WDFY3: variants seen among roughly 807,000 people sequenced by gnomAD.
WDFY3 encodes the protein WD repeat and FYVE domain-containing protein 3.
A neutral mutation model predicts 409.6 loss-of-function variants in WDFY3; 66 were observed. The ratio of observed to expected loss-of-function variants is 0.16; its 90% CI spans 0.13 to 0.20. The LOEUF (loss-of-function observed/expected upper bound fraction) is 0.20, where lower values mean the gene tolerates loss of function less well. Among genes scored for constraint, WDFY3 ranks in the 10% least tolerant of loss-of-function variants. The pLI is 1.00. For synonymous variants in WDFY3, 1,521 were observed against 1,537.1 expected (o/e 0.99, Z 0.25); for missense variants, 3,031 against 4,298.1 (o/e 0.71, Z 8.24).
chr4:84,714,458 T>C (rs1733496369), intron 50 of WDFY3, among the ~76,000 whole-genome samples: 1 of 152,046 alleles, frequency 6.6e-6, no homozygotes. Flanking sequence ...TTATTAAAGA[T>C]AAAAATATGC....
intron 24 of WDFY3, among the ~76,000 whole-genome samples, chr4:84,784,926 A>ACACC (rs1747288246): frequency 7.0e-6 from 1 of 143,440 alleles, no homozygotes; most frequent in African/African-American, 2.6e-5. Context: ...ACACATACAC[A>ACACC]CCTTGAATCT....
Position 84,765,070 on chromosome 4 carries a change from G to C in WDFY3, c.5188+740C>G, listed in dbSNP as rs145073661. 3.8e-3 allele frequency among the ~76,000 whole-genome samples: 572 copies of C among 152,136 alleles called. 6 individuals carry two copies. The highest frequency in any genetic ancestry group is 0.013 in the African/African-American group (556 of 41,508). ...TTAAGATCAGACACACAAACAATTAGATATGATTTACAAGGCAATGTTACA... is the reference window on the plus strand; with the variant it reads ...TTAAGATCAGACACACAAACAATTACATATGATTTACAAGGCAATGTTACA... On this transcript the variant is annotated intron_variant, in intron 32 of 67. Transcript: ENST00000295888.
chr4:84,743,969 T>C (rs1738890957), intron 36 of WDFY3, among the ~76,000 whole-genome samples, 170 bp from the exon 37 acceptor site: 1 of 151,382 alleles, frequency 6.6e-6, no homozygotes, highest in African/African-American at 2.4e-5. Context: ...CTTTCACGTA[T>C]TTTCTGACTA....
At chr4:84,717,359 A>G (rs2149056382) in intron 48 of WDFY3, among the ~76,000 whole-genome samples, 1 of 152,332 alleles carries the variant, frequency 6.6e-6, no homozygotes, top group East Asian at 1.9e-4. Context: ...TAGGTAGAAA[A>G]ACACATTTTA....
rs1758851377 is a variant in WDFY3, at chr4:84,850,926, CTGTTTTT to C, written c.181-908_181-902del. Reference sequence around the variant, plus strand: ...AATTCTTATTTTTAATTTTATTTATCTGTTTTTTTTTTTTTTTTTTTTTTTTTTTTTT... The same window carrying C: ...AATTCTTATTTTTAATTTTATTTATCTTTTTTTTTTTTTTTTTTTTTTTTT... On this transcript the variant is annotated intron_variant, in intron 4 of 67. Coordinates refer to ENST00000295888, the MANE Select transcript of WDFY3 (RefSeq NM_014991.6). 3.4e-3 allele frequency among the ~76,000 whole-genome samples: 108 copies of C among 32,158 alleles called. 7 individuals carry two copies. The highest frequency in any genetic ancestry group is 8.1e-3 in the Admixed American group (22 of 2,700). The allele number at this position is 32,158 out of a possible 152,430, so 21.1% of individuals were successfully genotyped here.
chr4:84,858,400 T>C (rs966947477), intron 4 of WDFY3, among the ~76,000 whole-genome samples: 1 of 152,040 alleles, frequency 6.6e-6, no homozygotes, highest in African/African-American at 2.4e-5. Flanking sequence ...TGATAGTCTA[T>C]CTACTGAACA....
At chr4:84,711,840 G>C (rs1732954153) in intron 51 of WDFY3, among the ~76,000 whole-genome samples, 1 of 149,860 alleles carries the variant, frequency 6.7e-6, no homozygotes. Flanking sequence ...AACAGAGCAA[G>C]ACTCCGTCTC....
At position 84,693,000 on chromosome 4, in the gene WDFY3, C is replaced by T; in HGVS notation, c.8934G>A (p.Val2978=). ...LFKKPHPPKR[V]RSRLNGDNAG... ...CATTGTCTCCATTGAGTCGACTTCT[C>T]ACTCGCTTTGGTGGATGAGGTTTTT... Residue 2978 remains valine (V), a synonymous_variant, in exon 59 of 68, where the codon GTG becomes GTA. Coordinates refer to ENST00000295888, the MANE Select transcript of WDFY3 (RefSeq NM_014991.6). 1 of 1,611,236 alleles carries T rather than the reference C, an allele frequency of 6.2e-7. No individual in the cohort carries two copies. The highest frequency in any genetic ancestry group is 8.5e-7 in the Non-Finnish European group (1 of 1,179,482).
intron 2 of WDFY3, among the ~76,000 whole-genome samples, chr4:84,930,020 A>G (rs1342469367): frequency 6.6e-6 from 1 of 152,016 alleles, no homozygotes; most frequent in Non-Finnish European, 1.5e-5. Flanking sequence ...ACTGGAACAA[A>G]TCCTTCCCTC....
At chr4:84,788,040 T>A (rs1364677416) in intron 22 of WDFY3, among the ~76,000 whole-genome samples, 3 of 152,212 alleles carry the variant, frequency 2.0e-5, no homozygotes, top group Admixed American at 2.0e-4. Context: ...TGTGCTGATA[T>A]AAAGAGAGCT....
chr4:84,956,748 G>C (rs1774283491), intron 1 of WDFY3, among the ~76,000 whole-genome samples: 1 of 151,964 alleles, frequency 6.6e-6, no homozygotes, highest in Non-Finnish European at 1.5e-5. Flanking sequence ...TTACTAAGTA[G>C]GGCTTCAGTT....
chr4:84,926,448 T>C (rs1196356093), intron 2 of WDFY3, among the ~76,000 whole-genome samples: 2 of 152,010 alleles, frequency 1.3e-5, no homozygotes, highest in African/African-American at 4.8e-5. Flanking sequence ...TTGCTACGTA[T>C]TTTTTTCTGA....
intron 14 of WDFY3, 92 bp from the exon 15 acceptor site, chr4:84,808,509 T>C: frequency 1.0e-6 from 1 of 981,208 alleles, no homozygotes; most frequent in Non-Finnish European, 1.6e-6. Flanking sequence ...GAAATGCCAG[T>C]AAAAGTTTAA....
intron 50 of WDFY3, among the ~76,000 whole-genome samples, chr4:84,714,799 A>C (rs1259599873): frequency 1.3e-5 from 2 of 152,058 alleles, no homozygotes; most frequent in Non-Finnish European, 2.9e-5. Context: ...AAATACAAAA[A>C]ATAAGCCGGG....
intron 58 of WDFY3, among the ~76,000 whole-genome samples, chr4:84,695,249 T>G (rs1181245446): frequency 6.6e-6 from 1 of 152,068 alleles, no homozygotes; most frequent in Non-Finnish European, 1.5e-5. Context: ...GCTGAGAGGC[T>G]TAGATCTTGG....
At chr4:84,711,646 T>C (rs1200454537) in intron 51 of WDFY3, among the ~76,000 whole-genome samples, 1 of 150,840 alleles carries the variant, frequency 6.6e-6, no homozygotes, top group South Asian at 2.1e-4. Flanking sequence ...AGGTCGGGAG[T>C]TTGAGAGCAG....
At chr4:84,882,699 G>A (rs1400146928) in intron 3 of WDFY3, among the ~76,000 whole-genome samples, 2 of 151,570 alleles carry the variant, frequency 1.3e-5, no homozygotes, top group African/African-American at 4.9e-5. Context: ...GTTAATCAGA[G>A]TATTATTGTT....
At chr4:84,885,824 TA>T (rs1554004927) in intron 3 of WDFY3, among the ~76,000 whole-genome samples, 5 of 152,198 alleles carry the variant, frequency 3.3e-5, no homozygotes, top group Non-Finnish European at 5.9e-5. Flanking sequence ...GAACTGGATC[TA>T]AAGGGCAATT....
At chr4:84,735,431 T>C (rs1342540484) in intron 42 of WDFY3, among the ~76,000 whole-genome samples, 2 of 152,120 alleles carry the variant, frequency 1.3e-5, no homozygotes, top group Admixed American at 1.3e-4. Flanking sequence ...GATCTAGGGG[T>C]AAGAAGACTC....
Sources: gnomAD v4.1 joint callset for allele counts (sites outside exome capture counted in the v4.1 genomes callset) on GRCh38, gnomAD v4.1.1 for gene constraint, MANE v1.5 for transcripts, NCBI Gene and HGNC (gene_info 2026-07-23, HGNC 2026-07-21) for gene names.